The following ALDH1L1 variants were observed in gnomAD, a reference collection of about 807,000 sequenced individuals.
The protein encoded by ALDH1L1 is cytosolic 10-formyltetrahydrofolate dehydrogenase.
In ALDH1L1, 68 loss-of-function variants were observed where a neutral mutation model predicts 101.1. The observed-to-expected ratio is 0.67, with a 90% CI of 0.55 to 0.82. ALDH1L1 has a LOEUF of 0.82. Among genes scored for constraint, ALDH1L1 ranks in the 40% least tolerant of loss-of-function variants. The probability of loss-of-function intolerance (pLI) is 0.00; values close to 1 mark genes in which losing one functional copy is unlikely to be tolerated. For synonymous variants in ALDH1L1, 486 were observed against 470.8 expected (o/e 1.03, Z -0.42); for missense variants, 1,087 against 1,172.7 (o/e 0.93, Z 1.07).
intron 18 of ALDH1L1, 76 bp from the exon 19 acceptor site, chr3:126,112,956 C>A: frequency 7.3e-7 from 1 of 1,377,022 alleles, no homozygotes. Flanking sequence ...AGGGCCCAGC[C>A]GCCTCTTCTA....
At chr3:126,145,636 T>C (rs2080659182) in intron 9 of ALDH1L1, among the ~76,000 whole-genome samples, 1 of 152,288 alleles carries the variant, frequency 6.6e-6, no homozygotes, top group East Asian at 1.9e-4. Flanking sequence ...GTGGCCAAGC[T>C]CATCAGAGCA....
intron 1 of ALDH1L1, among the ~76,000 whole-genome samples, chr3:126,162,543 T>C (rs991373213): frequency 6.6e-6 from 1 of 152,212 alleles, no homozygotes; most frequent in Non-Finnish European, 1.5e-5. Flanking sequence ...AAAAGGAGTT[T>C]TTTTGTATTG....
At chr3:126,162,182 C>T (rs1413593449) in intron 1 of ALDH1L1, among the ~76,000 whole-genome samples, 1 of 152,150 alleles carries the variant, frequency 6.6e-6, no homozygotes, top group East Asian at 1.9e-4. Context: ...GATACTTGCA[C>T]ATGGTCTTCA....
chr3:126,180,696 G>A, upstream of ALDH1L1: 3 of 1,385,924 alleles, frequency 2.2e-6, no homozygotes, highest in Non-Finnish European at 1.9e-6. Flanking sequence ...GTGGGACTAT[G>A]GCGGGAGCGC....
At chr3:126,133,114 C>A (rs2108241566) in intron 12 of ALDH1L1, among the ~76,000 whole-genome samples, 1 of 152,314 alleles carries the variant, frequency 6.6e-6, no homozygotes, top group African/African-American at 2.4e-5. Context: ...CTGCTGGCAC[C>A]AAACTCAAAT....
intron 1 of ALDH1L1, among the ~76,000 whole-genome samples, chr3:126,174,996 G>C (rs1469226623): frequency 6.6e-6 from 1 of 152,060 alleles, no homozygotes; most frequent in African/African-American, 2.4e-5. Context: ...GACACCTCTA[G>C]CCAGGTTAAC....
In ALDH1L1 at chr3:126,150,487, C is replaced by T; in HGVS notation, c.903G>A (p.Leu301=). Residue 301 remains leucine (L), a synonymous_variant, in exon 8 of 23, where the codon CTG becomes CTA. Coordinates refer to ENST00000393434, the MANE Select transcript of ALDH1L1 (RefSeq NM_012190.4). The stretch of plus-strand genomic sequence containing the variant: ...CTGCCCCCTTAAAGAAGTTCGAGGC[C>T]AGGATCATTTTGCCATCCTCCAGCT... The part of the protein sequence containing the change: ...NIQLEDGKMI[L]ASNFFKGAAS... 3 of 1,551,604 alleles carry T rather than the reference C, an allele frequency of 1.9e-6. No homozygotes were observed. The highest frequency in any genetic ancestry group is 2.6e-6 in the Non-Finnish European group (3 of 1,146,944).
intron 9 of ALDH1L1, among the ~76,000 whole-genome samples, chr3:126,141,182 T>C (rs145904335): frequency 9.3e-4 from 141 of 152,216 alleles, no homozygotes; most frequent in Non-Finnish European, 1.7e-3. Flanking sequence ...ATTATATTGA[T>C]ACAAAGTTTG....
At chr3:126,109,320 G>A (rs964020043) in intron 20 of ALDH1L1, among the ~76,000 whole-genome samples, 19 of 152,310 alleles carry the variant, frequency 1.2e-4, no homozygotes, top group African/African-American at 4.6e-4. Context: ...CAGACAGAGG[G>A]TCCTGGAGCA....
At chr3:126,124,110 G>GACACACACACACACACACACACACAC (rs3841921) in intron 16 of ALDH1L1, among the ~76,000 whole-genome samples, 13 of 148,788 alleles carry the variant, frequency 8.7e-5, no homozygotes, top group African/African-American at 3.2e-4. Flanking sequence ...AGGGCGCGCG[G>GACACACACACACACACACACACACAC]ACACACACAC....
rs2080422888 is a variant in ALDH1L1 at position 126,135,646 on chromosome 3, G to T, written c.1361C>A (p.Ser454Tyr). 2 of 1,568,670 alleles carry T rather than the reference G, an allele frequency of 1.3e-6. No homozygotes were observed. Among genetic ancestry groups the T allele is most frequent in the Non-Finnish European group, 1.7e-6 (2 of 1,156,378 alleles). The change falls in exon 12 of 23, where the codon TCC (serine) becomes TAC (tyrosine). Residue 454 changes from serine to tyrosine, a missense_variant. Physicochemically the swap from Ser to Tyr is moderately radical, Grantham distance 144. Coordinates refer to ENST00000393434, the MANE Select transcript of ALDH1L1 (RefSeq NM_012190.4). ...PTDGSVICQV[S>Y]LAQVTDVDKA... ...GTCGACGTCGGTGACTTGGGCCAGG[G>T]ATACCTGGCAGATGACCTATAGTGG...
intron 12 of ALDH1L1, among the ~76,000 whole-genome samples, chr3:126,133,992 C>CT (rs1228796349): frequency 6.6e-6 from 1 of 152,206 alleles, no homozygotes. Context: ...GGAACCTTGT[C>CT]TAACTCTCCC....
chr3:126,195,458 C>T (rs1160105194), intron 1 of ALDH1L1, among the ~76,000 whole-genome samples: 2 of 152,142 alleles, frequency 1.3e-5, no homozygotes, highest in Non-Finnish European at 2.9e-5. Context: ...CCAGTAGTTT[C>T]TCAACAGGAG....
chr3:126,118,226 C>A, intron 16 of ALDH1L1, 128 bp from the exon 17 acceptor site: 1 of 720,978 alleles, frequency 1.4e-6, no homozygotes, highest in Non-Finnish European at 2.4e-6. Context: ...CATGCTTGAT[C>A]CCCATGGTGC....
intron 9 of ALDH1L1, among the ~76,000 whole-genome samples, chr3:126,145,995 A>G (rs1476370192): frequency 7.9e-5 from 12 of 152,122 alleles, no homozygotes; most frequent in Admixed American, 7.2e-4. Context: ...TATTTTTTAC[A>G]AAACAATTAT....
chr3:126,134,558 G>A (rs1342841737), intron 12 of ALDH1L1, among the ~76,000 whole-genome samples: 6 of 152,192 alleles, frequency 3.9e-5, no homozygotes, highest in Admixed American at 2.0e-4. Context: ...GGGCATGCCC[G>A]ACCCCCACAG....
At chr3:126,125,300 T>C (rs1052011838) in intron 15 of ALDH1L1, among the ~76,000 whole-genome samples, 2 of 152,214 alleles carry the variant, frequency 1.3e-5, no homozygotes, top group Admixed American at 1.3e-4. Context: ...TCTTAGAGCA[T>C]GGGGCCTGGT....
chr3:126,191,911 C>A (rs934439226), intron 1 of ALDH1L1, among the ~76,000 whole-genome samples: 9 of 152,126 alleles, frequency 5.9e-5, no homozygotes, highest in Non-Finnish European at 1.0e-4. Context: ...AAGGAAATTG[C>A]AAGGTTGTCA....
At chr3:126,153,613 G>C in intron 6 of ALDH1L1, 32 bp from the exon 7 acceptor site, 4 of 1,598,090 alleles carry the variant, frequency 2.5e-6, no homozygotes, top group Non-Finnish European at 3.4e-6. Flanking sequence ...GAAGATGGTG[G>C]GTGAGAAGAA....
Sources: gnomAD v4.1 joint callset for allele counts (sites outside exome capture counted in the v4.1 genomes callset) on GRCh38, gnomAD v4.1.1 for gene constraint, MANE v1.5 for transcripts, NCBI Gene and HGNC (gene_info 2026-07-23, HGNC 2026-07-21) for gene names.